The following SPTBN4 variants were observed in gnomAD, a reference collection of about 807,000 sequenced individuals.
SPTBN4 encodes spectrin beta chain, non-erythrocytic 4.
SPTBN4 carries 96 observed loss-of-function variants against 277.8 expected under a neutral mutation model. The observed-to-expected ratio is 0.35, with a 90% CI of 0.29 to 0.41. SPTBN4 has a LOEUF of 0.41. Ranked by LOEUF, SPTBN4 falls within the 10% of genes least tolerant of loss-of-function variation. The pLI, the probability that SPTBN4 is intolerant of heterozygous loss-of-function variation, is 1.00. For missense variants in SPTBN4, 3,006 were observed against 3,595.7 expected (o/e 0.84, Z 4.19); for synonymous variants, 1,481 against 1,580.3 (o/e 0.94, Z 1.49).
At chr19:40,479,730 A>G (rs976537281) in intron 2 of SPTBN4, among the ~76,000 whole-genome samples, 6 of 145,168 alleles carry the variant, frequency 4.1e-5, no homozygotes, top group African/African-American at 1.6e-4. Context: ...AAAGTAGTTC[A>G]TGACACAGAA....
At chr19:40,503,318 A>C (rs1391097269) in intron 11 of SPTBN4, among the ~76,000 whole-genome samples, 1 of 152,094 alleles carries the variant, frequency 6.6e-6, no homozygotes, top group Non-Finnish European at 1.5e-5. Context: ...AGGACAGGGG[A>C]AGCATGGGCC....
At chr19:40,553,370 C>G (rs538333261) in intron 22 of SPTBN4, among the ~76,000 whole-genome samples, 1 of 151,922 alleles carries the variant, frequency 6.6e-6, no homozygotes, top group Non-Finnish European at 1.5e-5. Flanking sequence ...TAGTCCCAGC[C>G]GCTTGGGAGG....
chr19:40,575,779 C>A lies in SPTBN4; in HGVS notation c.*210C>A. 2.1e-6 allele frequency: 1 copy of A among 482,932 alleles called. No individual in the cohort carries two copies. Among genetic ancestry groups the A allele is most frequent in the Non-Finnish European group, 3.5e-6 (1 of 286,942 alleles). The allele number at this position is 482,932 out of a possible 1,614,324, so 29.9% of individuals were successfully genotyped here. A position where few individuals can be genotyped will look rare whatever the true frequency, so the allele number is the denominator to read the frequency against. On this transcript the variant is annotated 3_prime_UTR_variant, in exon 36 of 36. Coordinates refer to ENST00000598249, the MANE Select transcript of SPTBN4 (RefSeq NM_020971.3). ...CCTATAGCCATATCTCGGCCCCTTC[C>A]CACTCACCACCCCCACCCCAGGTGC...
At chr19:40,482,436 C>T (rs1409008187) in intron 2 of SPTBN4, among the ~76,000 whole-genome samples, 3 of 152,052 alleles carry the variant, frequency 2.0e-5, no homozygotes, top group Admixed American at 2.0e-4. Context: ...GAAATGCCCA[C>T]CAAGACCAGA....
At chr19:40,496,401 C>T (rs577366271) in intron 6 of SPTBN4, among the ~76,000 whole-genome samples, 13 of 152,202 alleles carry the variant, frequency 8.5e-5, no homozygotes, top group African/African-American at 2.6e-4. Flanking sequence ...CCACCCACCT[C>T]GGCCTCCCAA....
intron 2 of SPTBN4, among the ~76,000 whole-genome samples, chr19:40,476,315 A>C (rs1186737352): frequency 2.7e-5 from 4 of 149,856 alleles, no homozygotes; most frequent in Non-Finnish European, 5.9e-5. Flanking sequence ...ATTGTACTCC[A>C]GCCTGGGCGT....
intron 16 of SPTBN4, among the ~76,000 whole-genome samples, chr19:40,522,999 TG>T (rs1239773283): frequency 3.3e-5 from 5 of 152,022 alleles, no homozygotes; most frequent in Non-Finnish European, 5.9e-5. Flanking sequence ...CCGGGCATGG[TG>T]GTATGCACCT....
At chr19:40,470,707 A>G (rs1174178163) in intron 1 of SPTBN4, among the ~76,000 whole-genome samples, 1 of 149,422 alleles carries the variant, frequency 6.7e-6, no homozygotes, top group African/African-American at 2.5e-5. Context: ...ATCTCAGCTC[A>G]TTGCAACCTG....
chr19:40,530,393 C>A, intron 18 of SPTBN4: 1 of 596,620 alleles, frequency 1.7e-6, no homozygotes, highest in Non-Finnish European at 2.1e-6. Context: ...CCACCTGGGG[C>A]CCCGCAAAGA....
At chr19:40,506,968 A>G (rs1377359399) in intron 13 of SPTBN4, among the ~76,000 whole-genome samples, 1 of 151,662 alleles carries the variant, frequency 6.6e-6, no homozygotes, top group Non-Finnish European at 1.5e-5. Context: ...TGGGTGACAC[A>G]GTGAGATCTT....
At chr19:40,489,216 CAA>C (rs541919529) in intron 3 of SPTBN4, among the ~76,000 whole-genome samples, 29 of 54,684 alleles carry the variant, frequency 5.3e-4, no homozygotes, top group Non-Finnish European at 6.1e-4. Context: ...CAACAAAAGC[CAA>C]AAAAAAAAAA....
chr19:40,469,269 T>TC (rs1165110139), intron 1 of SPTBN4, among the ~76,000 whole-genome samples: 1 of 152,080 alleles, frequency 6.6e-6, no homozygotes, highest in Non-Finnish European at 1.5e-5. Context: ...TCTTTTTTTT[T>TC]TCCTTTTTCT....
chr19:40,492,464 G>A (rs151190241), intron 4 of SPTBN4, among the ~76,000 whole-genome samples: 2,512 of 152,252 alleles, frequency 0.016, 35 homozygotes, highest in Non-Finnish European at 0.025. Context: ...AGCAGGTATG[G>A]AGTGGAGTGA....
In SPTBN4 at chr19:40,502,680, G is replaced by A; in HGVS notation, c.1204-95G>A. The A allele has an allele frequency of 6.6e-7, 1 of 1,526,104 alleles. No individual in the cohort carries two copies. The highest frequency in any genetic ancestry group is 8.8e-7 in the Non-Finnish European group (1 of 1,135,308). 94.5% of individuals were successfully genotyped at this position (1,526,104 alleles called of 1,614,324 possible). On this transcript the variant is annotated intron_variant, in intron 10 of 35. Transcript: ENST00000598249. This position sits in a 1 kb window ranked among gnomAD's most constrained non-coding sequence, Gnocchi z 4.9. ...CAATATTTTTTCCAATTTGCATGAA[G>A]TTGCCATAATGCTATGAGTGACCTC... is the stretch of plus-strand genomic sequence containing the variant.
Position 40,554,442 on chromosome 19 carries a change from G to C in SPTBN4, c.4953+17G>C. On this transcript the variant is annotated intron_variant, in intron 23 of 35. Transcript: ENST00000598249. The surrounding 1 kb of genome is among the most constrained non-coding windows in gnomAD (Gnocchi z 5.7). ...AAGGGCAAGGTGCGCCCGAGCTGGGGGTGCGGAGGGCCTGGGGGCGCTGGA... is the reference window on the plus strand; with the variant it reads ...AAGGGCAAGGTGCGCCCGAGCTGGGCGTGCGGAGGGCCTGGGGGCGCTGGA... The C allele has an allele frequency of 6.5e-7, 1 of 1,537,764 alleles. No individual in the cohort carries two copies. Among genetic ancestry groups the C allele is most frequent in the Non-Finnish European group, 8.8e-7 (1 of 1,138,882 alleles).
chr19:40,470,410 G>A lies in SPTBN4; in HGVS notation c.-15-2197G>A, dbSNP rs576260097. Reference sequence around the variant, plus strand: ...AACCTCTGCCTTCCCAGGTTCAAGCGATTCTCCTGCCTCAGCCTCCTGAGT... The same window carrying A: ...AACCTCTGCCTTCCCAGGTTCAAGCAATTCTCCTGCCTCAGCCTCCTGAGT... On this transcript the variant is annotated intron_variant, in intron 1 of 35. Transcript: ENST00000598249. Among the ~76,000 whole-genome samples, 7 of 152,176 alleles carry A rather than the reference G, an allele frequency of 4.6e-5. No homozygotes were observed. In the South Asian group the frequency reaches 1.2e-3, roughly 27 times the overall value.
chr19:40,534,008 C>A, intron 19 of SPTBN4, 72 bp from the exon 20 acceptor site: 1 of 1,498,318 alleles, frequency 6.7e-7, no homozygotes, highest in East Asian at 2.4e-5. Flanking sequence ...CTGTCACTCT[C>A]CCACACTTCT....
At chr19:40,516,163 A>T (rs2080457970) in intron 15 of SPTBN4, among the ~76,000 whole-genome samples, 1 of 149,564 alleles carries the variant, frequency 6.7e-6, no homozygotes, top group African/African-American at 2.5e-5. Context: ...CCTTGAGCCC[A>T]GGAGGTAGAG....
chr19:40,497,024 G>A (rs1383260129), intron 6 of SPTBN4, among the ~76,000 whole-genome samples: 1 of 147,732 alleles, frequency 6.8e-6, no homozygotes, highest in Admixed American at 7.0e-5. Context: ...AGTGAGCTGG[G>A]ATCGCGCCCC....
Sources: gnomAD v4.1 joint callset for allele counts (sites outside exome capture counted in the v4.1 genomes callset) on GRCh38, gnomAD v4.1.1 for gene constraint, Gnocchi (gnomAD v3.1) non-coding constraint, MANE v1.5 for transcripts, NCBI Gene and HGNC (gene_info 2026-07-23, HGNC 2026-07-21) for gene names.